Variants in FRY observed in about 807,000 individuals in gnomAD.
FRY encodes the protein protein furry homolog.
FRY carries 128 observed loss-of-function variants against 348.4 expected under a neutral mutation model. The ratio of observed to expected loss-of-function variants is 0.37; its 90% CI spans 0.32 to 0.43. The LOEUF (loss-of-function observed/expected upper bound fraction) is 0.43, where lower values mean the gene tolerates loss of function less well. FRY is among the 20% of genes least tolerant of loss of function. The pLI, the probability that FRY is intolerant of heterozygous loss-of-function variation, is 1.00. For synonymous variants in FRY, 1,370 were observed against 1,374.7 expected, an observed-to-expected ratio of 1.00 and a Z score of 0.08; for missense variants, 2,736 against 3,695.2, an observed-to-expected ratio of 0.74 and a Z score of 6.73.
At chr13:32,121,757 T>TG (rs1176534991) in intron 4 of FRY, among the ~76,000 whole-genome samples, 1 of 152,236 alleles carries the variant, frequency 6.6e-6, no homozygotes, top group Non-Finnish European at 1.5e-5. Context: ...CTGTTCCTTT[T>TG]GCCGTGCAAA....
chr13:32,137,034 C>A, intron 11 of FRY, 62 bp downstream of exon 11: 2 of 906,532 alleles, frequency 2.2e-6, no homozygotes, highest in Non-Finnish European at 1.9e-6. Flanking sequence ...TTTAGGCTGG[C>A]TGATGTGCTT....
chr13:32,063,909 G>C (rs1453917942), intron 1 of FRY, among the ~76,000 whole-genome samples: 1 of 152,174 alleles, frequency 6.6e-6, no homozygotes, highest in African/African-American at 2.4e-5. Context: ...AGGTTTCTAA[G>C]CTGGAGACAA....
chr13:32,072,929 C>A (rs1402860634), intron 1 of FRY, among the ~76,000 whole-genome samples: 2 of 152,178 alleles, frequency 1.3e-5, no homozygotes, highest in Non-Finnish European at 2.9e-5. Flanking sequence ...TTACATTGAT[C>A]TCTATAAAGT....
In FRY at chr13:32,102,023, G is replaced by A. The variant is rs1425903294; in HGVS notation, c.324+7G>A. The stretch of plus-strand genomic sequence containing the variant: ...AGACCCCCAATTTGATCAGGTATGT[G>A]ATATATATGTTATATACTAGTTTTC... On this transcript the variant is annotated splice_region_variant and intron_variant, in intron 3 of 60. Transcript: ENST00000542859. 7 of 1,477,718 alleles carry A rather than the reference G, an allele frequency of 4.7e-6. No individual in the cohort carries two copies. The highest frequency in any genetic ancestry group is 2.8e-6 in the Non-Finnish European group (3 of 1,055,456). 91.5% of individuals were successfully genotyped at this position (1,477,718 alleles called of 1,614,324 possible).
chr13:32,195,498 G>T (rs1056033188), intron 29 of FRY, among the ~76,000 whole-genome samples: 1 of 151,970 alleles, frequency 6.6e-6, no homozygotes, highest in Non-Finnish European at 1.5e-5. Context: ...TCTATGGCTT[G>T]GGCTTCTTTC....
intron 22 of FRY, among the ~76,000 whole-genome samples, chr13:32,179,294 A>G (rs1882554138): frequency 1.3e-5 from 2 of 152,134 alleles, no homozygotes; most frequent in South Asian, 2.1e-4. Context: ...TCGTGCCCTG[A>G]GGTTTGGTTT....
chr13:32,289,457 A>G (rs1276029966), intron 58 of FRY, among the ~76,000 whole-genome samples, 176 bp from the exon 59 acceptor site: 2 of 152,084 alleles, frequency 1.3e-5, no homozygotes, highest in Non-Finnish European at 2.9e-5. Context: ...TATACCGTGG[A>G]TTTCTCACTG....
At chr13:32,142,467 T>C (rs1292654348) in intron 11 of FRY, among the ~76,000 whole-genome samples, 8 of 152,214 alleles carry the variant, frequency 5.3e-5, no homozygotes, top group Non-Finnish European at 1.5e-5. Flanking sequence ...ACAATACTTA[T>C]TAGAGCCTAA....
At chr13:32,145,285 CG>C (rs1173359666) in intron 11 of FRY, among the ~76,000 whole-genome samples, 5 of 152,090 alleles carry the variant, frequency 3.3e-5, no homozygotes, top group Admixed American at 2.0e-4. Flanking sequence ...AGATAGACAT[CG>C]GGGCAGGGAT....
chr13:32,219,485 G>A (rs1237964826), intron 36 of FRY, among the ~76,000 whole-genome samples: 10 of 149,724 alleles, frequency 6.7e-5, no homozygotes, highest in Non-Finnish European at 1.3e-4. Flanking sequence ...TTGGCTGGGC[G>A]CGGTGGCTCA....
At chr13:32,155,411 A>T in intron 14 of FRY, 80 bp from the exon 15 acceptor site, 2 of 1,005,796 alleles carry the variant, frequency 2.0e-6, no homozygotes, top group Non-Finnish European at 3.2e-6. Flanking sequence ...TTCAGTCTTA[A>T]CTATCTGAAA....
At chr13:32,225,091 T>A in intron 38 of FRY, 55 bp downstream of exon 38, 1 of 966,434 alleles carries the variant, frequency 1.0e-6, no homozygotes, top group Non-Finnish European at 1.7e-6. Flanking sequence ...TATACAGAAG[T>A]AATCCGTAGA....
intron 50 of FRY, 89 bp from the exon 51 acceptor site, chr13:32,254,135 A>G (rs1420595594): frequency 8.7e-7 from 1 of 1,146,344 alleles, no homozygotes; most frequent in African/African-American, 1.5e-5. Flanking sequence ...TACTGGAAAT[A>G]CGGTGCTATG....
intron 50 of FRY, among the ~76,000 whole-genome samples, chr13:32,252,439 A>T (rs1887130245): frequency 6.6e-6 from 1 of 152,218 alleles, no homozygotes. Flanking sequence ...CTAAGAATAA[A>T]ACAAAAATCA....
chr13:32,246,305 A>G (rs1438932010), intron 47 of FRY, among the ~76,000 whole-genome samples: 1 of 152,192 alleles, frequency 6.6e-6, no homozygotes, highest in African/African-American at 2.4e-5. Context: ...ACTTTCATCA[A>G]ATTTGTTTAT....
chr13:32,282,303 C>G (rs549538565), intron 58 of FRY, among the ~76,000 whole-genome samples: 37 of 152,276 alleles, frequency 2.4e-4, no homozygotes, highest in African/African-American at 8.4e-4. Flanking sequence ...TCTGAGCACA[C>G]CCTTGCCTGG....
chr13:32,037,059 A>ACACAC (rs1872550173), intron 1 of FRY, among the ~76,000 whole-genome samples: 37 of 33,502 alleles, frequency 1.1e-3, no homozygotes, highest in East Asian at 2.1e-3. Context: ...CACACACACA[A>ACACAC]ACACACACAC....
intron 37 of FRY, 126 bp from the exon 38 acceptor site, chr13:32,224,807 C>T (rs1566146452): frequency 2.8e-6 from 2 of 713,120 alleles, no homozygotes; most frequent in African/African-American, 3.5e-5. Context: ...CTCTATTTCC[C>T]CCGAATAAGA....
chr13:32,228,453 C>T lies in FRY; in HGVS notation c.5207-3C>T. On this transcript the variant is annotated splice_region_variant and splice_polypyrimidine_tract_variant and intron_variant, in intron 39 of 60. Coordinates refer to ENST00000542859, the MANE Select transcript of FRY (RefSeq NM_023037.3). ...TCCCTCCTTGACCTTCTTCTCCCAC[C>T]AGGTGGCTTTGACTTCCTGAGAGAG... is the stretch of plus-strand genomic sequence containing the variant. 1 of 1,611,072 alleles carries T rather than the reference C, an allele frequency of 6.2e-7. No individual in the cohort carries two copies. The highest frequency in any genetic ancestry group is 8.5e-7 in the Non-Finnish European group (1 of 1,178,798).
Sources: allele counts gnomAD v4.1 joint callset (sites outside exome capture counted in the v4.1 genomes callset), GRCh38; gene constraint gnomAD v4.1.1; transcripts MANE v1.5; gene names NCBI Gene and HGNC (gene_info 2026-07-23, HGNC 2026-07-21).